Variants in GALNT13 observed in about 807,000 individuals in gnomAD.
GALNT13 encodes the protein UDP-GalNAc:polypeptide N-acetylgalactosaminyltransferase 13.
Under a neutral mutation model 64.2 loss-of-function variants are expected in GALNT13, and 28 were observed. That is an observed-to-expected ratio of 0.44 (90% confidence interval 0.32 to 0.60). GALNT13 has a LOEUF of 0.60. GALNT13 is among the 20% of genes least tolerant of loss of function. The probability of loss-of-function intolerance (pLI) is 0.05; values close to 1 mark genes in which losing one functional copy is unlikely to be tolerated. For synonymous variants in GALNT13, 214 were observed against 224.6 expected (o/e 0.95, Z 0.42); for missense variants, 577 against 669.8 (o/e 0.86, Z 1.53).
At chr2:153,249,453 A>C in the GALNT13 span, among the ~76,000 whole-genome samples, 1 of 152,224 alleles carries the variant, frequency 6.6e-6, no homozygotes, top group Admixed American at 6.5e-5. Context: ...CATACTGCCC[A>C]AAGTAATTTA....
intron 3 of GALNT13, among the ~76,000 whole-genome samples, chr2:154,001,227 T>A (rs189014121): frequency 9.9e-5 from 15 of 152,094 alleles, no homozygotes; most frequent in African/African-American, 3.4e-4. Flanking sequence ...TGCACCTTTT[T>A]AAAAAATGTT....
chr2:153,742,845 T>C, the GALNT13 span, among the ~76,000 whole-genome samples: 1 of 151,910 alleles, frequency 6.6e-6, no homozygotes, highest in Admixed American at 6.6e-5. Context: ...ATTGATTTCA[T>C]GACTTTGCTG....
chr2:153,578,310 T>C, the GALNT13 span, among the ~76,000 whole-genome samples: 1 of 152,216 alleles, frequency 6.6e-6, no homozygotes, highest in African/African-American at 2.4e-5. Flanking sequence ...TTAAGCTTTC[T>C]TCTGGTATAG....
chr2:153,496,340 C>T, the GALNT13 span, among the ~76,000 whole-genome samples: 1 of 152,132 alleles, frequency 6.6e-6, no homozygotes, highest in Non-Finnish European at 1.5e-5. Context: ...AATCTGGGAG[C>T]ATGGCTTGAA....
intron 11 of GALNT13, chr2:154,437,524 G>T: frequency 1.6e-6 from 2 of 1,280,468 alleles, no homozygotes; most frequent in Admixed American, 4.7e-5. Context: ...GCTTATCGTA[G>T]TTAAAAGAAG....
chr2:153,579,555 A>T, the GALNT13 span, among the ~76,000 whole-genome samples: 1 of 152,184 alleles, frequency 6.6e-6, no homozygotes, highest in Admixed American at 6.5e-5. Flanking sequence ...CATAATATGA[A>T]GATAATTGAG....
At chr2:154,063,689 C>G (rs966143344) in intron 3 of GALNT13, among the ~76,000 whole-genome samples, 3 of 152,102 alleles carry the variant, frequency 2.0e-5, no homozygotes, top group African/African-American at 7.2e-5. Flanking sequence ...TAATTTAAAG[C>G]TATTTTGTTT....
At chr2:154,294,660 C>T (rs932695753) in intron 8 of GALNT13, among the ~76,000 whole-genome samples, 2 of 152,236 alleles carry the variant, frequency 1.3e-5, no homozygotes, top group East Asian at 3.9e-4. Context: ...AATTTTCATC[C>T]TTAAGCATTT....
intron 3 of GALNT13, among the ~76,000 whole-genome samples, chr2:154,039,512 A>G (rs1443401769): frequency 7.1e-6 from 1 of 140,252 alleles, no homozygotes; most frequent in African/African-American, 2.4e-5. Context: ...ATCAGGCACA[A>G]AAAGATAAGT....
At chr2:154,245,706 T>C (rs1689743419) in intron 6 of GALNT13, 106 bp from the exon 7 acceptor site, 1 of 726,378 alleles carries the variant, frequency 1.4e-6, no homozygotes, top group Non-Finnish European at 2.3e-6. Flanking sequence ...CATATTAAAG[T>C]AACAAAATAA....
chr2:154,305,187 G>C (rs1254566124), intron 9 of GALNT13, among the ~76,000 whole-genome samples: 2 of 152,088 alleles, frequency 1.3e-5, no homozygotes, highest in Non-Finnish European at 2.9e-5. Context: ...AACAGCAGTG[G>C]TCATTTTAAT....
the GALNT13 span, among the ~76,000 whole-genome samples, chr2:153,659,299 G>T: frequency 6.8e-6 from 1 of 146,922 alleles, no homozygotes; most frequent in Non-Finnish European, 1.5e-5. Flanking sequence ...TGTGATCATT[G>T]CATATCCCCC....
intron 6 of GALNT13, among the ~76,000 whole-genome samples, chr2:154,244,513 A>G (rs1318519358): frequency 6.6e-6 from 1 of 152,180 alleles, no homozygotes; most frequent in African/African-American, 2.4e-5. Context: ...ACAAGTATGA[A>G]TAATGGACAT....
the GALNT13 span, among the ~76,000 whole-genome samples, chr2:153,290,264 T>A: frequency 6.6e-6 from 1 of 152,176 alleles, no homozygotes; most frequent in Non-Finnish European, 1.5e-5. Context: ...AGAAACAGGC[T>A]AGCCTTGAAC....
chr2:153,824,740 A>T, the GALNT13 span, among the ~76,000 whole-genome samples: 1 of 152,050 alleles, frequency 6.6e-6, no homozygotes, highest in Non-Finnish European at 1.5e-5. Flanking sequence ...AGGTGATTGG[A>T]TCATGGGGGC....
chr2:153,350,977 TG>T, the GALNT13 span, among the ~76,000 whole-genome samples: 1 of 152,314 alleles, frequency 6.6e-6, no homozygotes, highest in Non-Finnish European at 1.5e-5. Flanking sequence ...TGTAATCTTC[TG>T]TTAAAAATTA....
At chr2:153,233,391 A>G in the GALNT13 span, among the ~76,000 whole-genome samples, 1 of 152,064 alleles carries the variant, frequency 6.6e-6, no homozygotes, top group Non-Finnish European at 1.5e-5. Flanking sequence ...CTTCTGCCTA[A>G]AACTCTATCT....
the GALNT13 span, among the ~76,000 whole-genome samples, chr2:153,111,507 G>A: frequency 6.6e-6 from 1 of 152,132 alleles, no homozygotes; most frequent in East Asian, 1.9e-4. Flanking sequence ...TTCGCCCAGT[G>A]TGAGAGGAGC....
the GALNT13 span, among the ~76,000 whole-genome samples, chr2:153,171,087 A>G: frequency 6.6e-6 from 1 of 152,218 alleles, no homozygotes; most frequent in Non-Finnish European, 1.5e-5. Flanking sequence ...CCCCACTGGT[A>G]GTGCACCTTA....
Sources: allele counts gnomAD v4.1 joint callset (sites outside exome capture counted in the v4.1 genomes callset), GRCh38; gene constraint gnomAD v4.1.1; transcripts MANE v1.5; gene names NCBI Gene and HGNC (gene_info 2026-07-23, HGNC 2026-07-21).